RTN4RL1: variants seen among roughly 807,000 people sequenced by gnomAD.
RTN4RL1 encodes reticulon 4 receptor like 1.
RTN4RL1 carries 7 observed loss-of-function variants against 25.6 expected under a neutral mutation model. The observed-to-expected ratio is 0.27, with a 90% CI of 0.16 to 0.51. The LOEUF (loss-of-function observed/expected upper bound fraction) is 0.51, where lower values mean the gene tolerates loss of function less well. Among genes scored for constraint, RTN4RL1 ranks in the 20% least tolerant of loss-of-function variants. The probability of loss-of-function intolerance (pLI) is 0.97; values close to 1 mark genes in which losing one functional copy is unlikely to be tolerated. For synonymous variants in RTN4RL1, 297 were observed against 288.2 expected (o/e 1.03, Z -0.31); for missense variants, 500 against 615.6 (o/e 0.81, Z 1.99).
chr17:1,986,372 G>GC (rs201008303), intron 1 of RTN4RL1, among the ~76,000 whole-genome samples: 1,720 of 152,106 alleles, frequency 0.011, 27 homozygotes, highest in African/African-American at 0.04. Context: ...TTGAATGGTG[G>GC]CCCCCCAAAA....
intron 1 of RTN4RL1, among the ~76,000 whole-genome samples, chr17:1,947,017 T>C (rs1329420453): frequency 1.8e-5 from 1 of 55,302 alleles, no homozygotes; most frequent in African/African-American, 4.8e-5. Context: ...TGTGTGAATG[T>C]GTCTGTGTGT....
At chr17:2,001,744 C>T (rs1400710091) in intron 1 of RTN4RL1, among the ~76,000 whole-genome samples, 1 of 152,202 alleles carries the variant, frequency 6.6e-6, no homozygotes, top group Non-Finnish European at 1.5e-5. Context: ...GCCTTGTTCT[C>T]GAGCAGCCCC....
chr17:1,966,947 C>T (rs896480801), intron 1 of RTN4RL1, among the ~76,000 whole-genome samples: 5 of 152,198 alleles, frequency 3.3e-5, no homozygotes, highest in East Asian at 1.9e-4. Context: ...CTGGCCTTCC[C>T]AGCATCCTCA....
chr17:1,973,570 CT>C (rs1230533533), intron 1 of RTN4RL1, among the ~76,000 whole-genome samples: 1 of 151,880 alleles, frequency 6.6e-6, no homozygotes, highest in African/African-American at 2.4e-5. Context: ...TTCTGCTCCC[CT>C]GGTGTCCTCC....
intron 1 of RTN4RL1, among the ~76,000 whole-genome samples, chr17:2,000,257 T>C (rs1463041362): frequency 6.6e-6 from 1 of 152,152 alleles, no homozygotes; most frequent in East Asian, 1.9e-4. Flanking sequence ...GGATATTGGG[T>C]GCCTTGTTAG....
chr17:2,022,243 G>A (rs1490185124), intron 1 of RTN4RL1, among the ~76,000 whole-genome samples: 1 of 152,066 alleles, frequency 6.6e-6, no homozygotes, highest in Non-Finnish European at 1.5e-5. Flanking sequence ...TTGAATCTGG[G>A]AGGCAGAGGT....
intron 1 of RTN4RL1, among the ~76,000 whole-genome samples, chr17:1,999,379 GAGAT>G (rs907712304): frequency 1.1e-4 from 17 of 151,358 alleles, no homozygotes; most frequent in Admixed American, 5.9e-4. Context: ...CCGGGAGGAG[GAGAT>G]TGCAGTGAAC....
At chr17:1,983,906 C>T (rs2066877714) in intron 1 of RTN4RL1, among the ~76,000 whole-genome samples, 1 of 152,168 alleles carries the variant, frequency 6.6e-6, no homozygotes, top group African/African-American at 2.4e-5. Context: ...TTAGGCTCCA[C>T]CCAATCCGGA....
At chr17:1,943,269 A>C (rs1915475874) in intron 1 of RTN4RL1, among the ~76,000 whole-genome samples, 1 of 152,220 alleles carries the variant, frequency 6.6e-6, no homozygotes, top group Admixed American at 6.5e-5. Context: ...AACCCAGCTG[A>C]CTGCAAGTCC....
intron 1 of RTN4RL1, among the ~76,000 whole-genome samples, chr17:1,996,534 C>T (rs1035516503): frequency 1.3e-5 from 2 of 152,098 alleles, no homozygotes; most frequent in African/African-American, 2.4e-5. Flanking sequence ...ATGTGATCCT[C>T]GCTGCCTTGC....
intron 1 of RTN4RL1, among the ~76,000 whole-genome samples, chr17:1,990,962 A>T (rs2066905969): frequency 6.6e-6 from 1 of 152,092 alleles, no homozygotes; most frequent in African/African-American, 2.4e-5. Context: ...CATAGCCACA[A>T]TGGAGAAAAT....
intron 1 of RTN4RL1, among the ~76,000 whole-genome samples, chr17:1,939,278 G>T (rs1474214032): frequency 2.0e-5 from 3 of 151,928 alleles, no homozygotes; most frequent in Admixed American, 2.0e-4. Context: ...GCGTGAACCC[G>T]GGAGGTGGAG....
intron 1 of RTN4RL1, among the ~76,000 whole-genome samples, chr17:1,978,110 G>A (rs540983919): frequency 2.0e-5 from 3 of 152,340 alleles, no homozygotes; most frequent in East Asian, 1.9e-4. Flanking sequence ...CTCGGGGAGG[G>A]AGGAACCGCC....
intron 1 of RTN4RL1, among the ~76,000 whole-genome samples, chr17:2,014,131 A>G (rs566298503): frequency 6.6e-6 from 1 of 152,216 alleles, no homozygotes; most frequent in Non-Finnish European, 1.5e-5. Context: ...AGGGACACCC[A>G]GTGCCCATGG....
chr17:1,957,168 T>C (rs1248016107), intron 1 of RTN4RL1, among the ~76,000 whole-genome samples: 1 of 152,248 alleles, frequency 6.6e-6, no homozygotes, highest in Non-Finnish European at 1.5e-5. Flanking sequence ...CCTGATCCTT[T>C]CCTTAGATCA....
chr17:2,004,603 G>A (rs953088689), intron 1 of RTN4RL1, among the ~76,000 whole-genome samples: 5 of 152,272 alleles, frequency 3.3e-5, no homozygotes, highest in Admixed American at 1.3e-4. Context: ...TTTTCCAAGC[G>A]AATGGAAACC....
At chr17:1,984,015 AC>A (rs556922357) in intron 1 of RTN4RL1, among the ~76,000 whole-genome samples, 41 of 152,244 alleles carry the variant, frequency 2.7e-4, no homozygotes, top group African/African-American at 9.1e-4. Context: ...GGCCGAGGAA[AC>A]CCCCAGATCA....
At chr17:1,963,813 C>A (rs2066776723) in intron 1 of RTN4RL1, among the ~76,000 whole-genome samples, 1 of 152,118 alleles carries the variant, frequency 6.6e-6, no homozygotes, top group African/African-American at 2.4e-5. Flanking sequence ...CTGAGCGCAA[C>A]CTCCACTTCA....
intron 1 of RTN4RL1, among the ~76,000 whole-genome samples, chr17:1,939,222 G>A (rs950991385): frequency 1.2e-4 from 18 of 151,038 alleles, no homozygotes; most frequent in African/African-American, 2.4e-4. Context: ...GCGTGGTGGC[G>A]CGCACTTGTA....
Sources: allele counts gnomAD v4.1 joint callset (sites outside exome capture counted in the v4.1 genomes callset), GRCh38; gene constraint gnomAD v4.1.1; transcripts MANE v1.5; gene names NCBI Gene and HGNC (gene_info 2026-07-23, HGNC 2026-07-21).